Variants in FHDC1 observed in about 807,000 individuals in gnomAD.
FHDC1 encodes the protein FH2 domain containing 1.
A neutral mutation model predicts 52.6 loss-of-function variants in FHDC1; 25 were observed. The ratio of observed to expected loss-of-function variants is 0.48; its 90% confidence interval spans 0.35 to 0.66. The LOEUF (loss-of-function observed/expected upper bound fraction) is 0.66, where lower values mean the gene tolerates loss of function less well. Among genes scored for constraint, FHDC1 ranks in the 30% least tolerant of loss-of-function variants. The pLI is 0.01. For synonymous variants in FHDC1, 616 were observed against 581.5 expected (o/e 1.06, Z -0.85); for missense variants, 1,459 against 1,452.8 (o/e 1.00, Z -0.07).
chr4:152,960,672 A>G (rs1430697319), intron 5 of FHDC1, 22 bp downstream of exon 5: 5 of 1,613,048 alleles, frequency 3.1e-6, no homozygotes, highest in Non-Finnish European at 4.2e-6. Flanking sequence ...GTCGCTGGTT[A>G]TTATTCTTCA....
intron 1 of FHDC1, among the ~76,000 whole-genome samples, chr4:152,942,165 G>A (rs1247888570): frequency 6.6e-6 from 1 of 152,212 alleles, no homozygotes; most frequent in African/African-American, 2.4e-5. Context: ...AGAGGTAGGT[G>A]ATGGTTTCCA....
chr4:152,912,900 A>G, the FHDC1 span, among the ~76,000 whole-genome samples: 1 of 152,216 alleles, frequency 6.6e-6, no homozygotes, highest in Non-Finnish European at 1.5e-5. Flanking sequence ...CTAGGCTTTA[A>G]GAAGCATCTT....
Position 152,960,731 on chromosome 4 carries a change from T to G in FHDC1, c.750-13T>G. On this transcript the variant is annotated splice_polypyrimidine_tract_variant and intron_variant, in intron 5 of 11. Transcript: ENST00000511601. Reference sequence around the variant, plus strand: ...GACATCAAATTCTACAGTTTTACTTTTTTATTTTTCAGCTATTCACTTCGG... The same window carrying G: ...GACATCAAATTCTACAGTTTTACTTGTTTATTTTTCAGCTATTCACTTCGG... 6.2e-7 allele frequency: 1 copy of G among 1,612,024 alleles called. No individual in the cohort carries two copies. The highest frequency in any genetic ancestry group is 8.5e-7 in the Non-Finnish European group (1 of 1,179,468).
At chr4:152,948,435 G>A (rs184109463) in intron 2 of FHDC1, among the ~76,000 whole-genome samples, 10 of 152,034 alleles carry the variant, frequency 6.6e-5, no homozygotes, top group South Asian at 2.1e-4. Flanking sequence ...TGAGAGAGGG[G>A]AATGGAGAGT....
At chr4:152,965,688 C>T (rs1015177491) in intron 9 of FHDC1, among the ~76,000 whole-genome samples, 3 of 152,132 alleles carry the variant, frequency 2.0e-5, no homozygotes, top group Non-Finnish European at 2.9e-5. Context: ...TGCTGATTTC[C>T]GTGTTGTAAA....
chr4:152,973,728 T>C (rs766140474), intron 11 of FHDC1, among the ~76,000 whole-genome samples: 2 of 152,192 alleles, frequency 1.3e-5, no homozygotes, highest in Non-Finnish European at 2.9e-5. Flanking sequence ...AAGGCCATCA[T>C]TGGAGGAAAT....
Position 152,977,220 on chromosome 4 carries a change from C to T in FHDC1, c.*497C>T, listed in dbSNP as rs1183922906. 2 of 152,006 alleles carry T rather than the reference C, an allele frequency of 1.3e-5. No homozygotes were observed. The highest frequency in any genetic ancestry group is 4.8e-5 in the African/African-American group (2 of 41,344). The allele number at this position is 152,006 out of a possible 1,614,324, so 9.4% of individuals were successfully genotyped here. On this transcript the variant is annotated 3_prime_UTR_variant, in exon 12 of 12. Transcript: ENST00000511601. ...CAGCCTAGGCAACATGGAGAAACCC[C>T]GTCTCTATCAGAAATACAAAATTTA...
At chr4:152,972,901 T>A (rs1219068512) in intron 11 of FHDC1, among the ~76,000 whole-genome samples, 1 of 152,216 alleles carries the variant, frequency 6.6e-6, no homozygotes, top group Non-Finnish European at 1.5e-5. Context: ...TCTCTCCCGC[T>A]CCCAGAAGAG....
At chr4:152,940,756 A>G (rs997947476) in intron 1 of FHDC1, among the ~76,000 whole-genome samples, 1 of 152,244 alleles carries the variant, frequency 6.6e-6, no homozygotes, top group Non-Finnish European at 1.5e-5. Flanking sequence ...TCTTCTATAC[A>G]TGAGATATTT....
the FHDC1 span, among the ~76,000 whole-genome samples, chr4:152,926,231 A>AAAAAC: frequency 6.6e-6 from 1 of 150,878 alleles, no homozygotes; most frequent in Non-Finnish European, 1.5e-5. Context: ...TAGGAGGGAA[A>AAAAAC]AAAACAAAAC....
At chr4:152,947,921 A>G (rs1168367600) in intron 2 of FHDC1, among the ~76,000 whole-genome samples, 1 of 152,246 alleles carries the variant, frequency 6.6e-6, no homozygotes, top group Admixed American at 6.5e-5. Flanking sequence ...TTCAGCTGTC[A>G]GTCATTCTCA....
chr4:152,925,921 G>C, the FHDC1 span, among the ~76,000 whole-genome samples: 1 of 151,832 alleles, frequency 6.6e-6, no homozygotes, highest in Non-Finnish European at 1.5e-5. Flanking sequence ...AGAAGGAGAA[G>C]AAGAAACCAG....
chr4:152,932,005 C>T (rs990427757), upstream of FHDC1, among the ~76,000 whole-genome samples: 1 of 151,154 alleles, frequency 6.6e-6, no homozygotes, highest in Non-Finnish European at 1.5e-5. Context: ...AATATTTCTC[C>T]CTTTTCTCCC....
intron 2 of FHDC1, among the ~76,000 whole-genome samples, chr4:152,949,154 G>C (rs1162239666): frequency 6.7e-6 from 1 of 150,284 alleles, no homozygotes; most frequent in Admixed American, 6.6e-5. Flanking sequence ...AGAAGAAGAA[G>C]AAGAAGAAGA....
intron 11 of FHDC1, among the ~76,000 whole-genome samples, chr4:152,973,805 C>T (rs963044270): frequency 1.3e-5 from 2 of 152,258 alleles, no homozygotes; most frequent in Non-Finnish European, 2.9e-5. Context: ...TTCCATGACA[C>T]AAATCTATTT....
At chr4:152,946,143 T>A (rs1395039577) in intron 2 of FHDC1, among the ~76,000 whole-genome samples, 1 of 152,260 alleles carries the variant, frequency 6.6e-6, no homozygotes. Context: ...ACAGCTGGGT[T>A]GCTTCCACCT....
the FHDC1 span, among the ~76,000 whole-genome samples, chr4:152,928,671 G>C: frequency 5.3e-5 from 8 of 152,120 alleles, no homozygotes; most frequent in African/African-American, 7.2e-5. Flanking sequence ...TGGAGCATGT[G>C]GGGGAAGAGA....
intron 6 of FHDC1, among the ~76,000 whole-genome samples, chr4:152,961,506 G>A (rs1740281400): frequency 1.3e-5 from 2 of 152,222 alleles, no homozygotes; most frequent in Admixed American, 1.3e-4. Context: ...TTCCGGAGGG[G>A]TGGGAGCTTT....
At chr4:152,972,280 C>T in intron 10 of FHDC1, 97 bp from the exon 11 acceptor site, 1 of 1,263,250 alleles carries the variant, frequency 7.9e-7, no homozygotes, top group Non-Finnish European at 1.1e-6. Context: ...TGAAATGAAA[C>T]CCCAGAGCAC....
Sources: allele counts gnomAD v4.1 joint callset (sites outside exome capture counted in the v4.1 genomes callset), GRCh38; gene constraint gnomAD v4.1.1; transcripts MANE v1.5; gene names NCBI Gene and HGNC (gene_info 2026-07-23, HGNC 2026-07-21).